The following TMEFF2 variants were observed in gnomAD, a reference collection of about 807,000 sequenced individuals.
The protein encoded by TMEFF2 is transmembrane protein with EGF like and two follistatin like domains 2, also known as tomoregulin-2.
Under a neutral mutation model 53.8 loss-of-function variants are expected in TMEFF2, and 28 were observed. The ratio of observed to expected loss-of-function variants is 0.52; its 90% CI spans 0.39 to 0.71. The LOEUF (loss-of-function observed/expected upper bound fraction) is 0.71, where lower values mean the gene tolerates loss of function less well. Ranked by LOEUF, TMEFF2 falls within the 30% of genes least tolerant of loss-of-function variation. TMEFF2 has a pLI of 0.00. For synonymous variants in TMEFF2, 162 were observed against 166.3 expected, an observed-to-expected ratio of 0.97 and a Z score of 0.20; for missense variants, 353 against 455.2, an observed-to-expected ratio of 0.78 and a Z score of 2.04.
intron 4 of TMEFF2, among the ~76,000 whole-genome samples, chr2:192,068,179 T>C (rs540611737): frequency 3.3e-5 from 5 of 152,038 alleles, no homozygotes; most frequent in South Asian, 4.1e-4. Context: ...TAGGAGGATG[T>C]GTGACTTTGC....
At chr2:191,951,183 A>C (rs890033177) in intron 9 of TMEFF2, among the ~76,000 whole-genome samples, 48 of 152,002 alleles carry the variant, frequency 3.2e-4, no homozygotes, top group Admixed American at 2.3e-3. Context: ...GTGTGTATGT[A>C]TGTGTATATA....
chr2:192,177,295 C>G (rs1198961296), intron 4 of TMEFF2: 1 of 151,128 alleles, frequency 6.6e-6, no homozygotes, highest in East Asian at 1.9e-4. Flanking sequence ...TCAAATATAT[C>G]TTACGATTAC....
intron 5 of TMEFF2, among the ~76,000 whole-genome samples, chr2:192,038,708 A>G (rs2105883006): frequency 6.6e-6 from 1 of 151,760 alleles, no homozygotes; most frequent in East Asian, 1.9e-4. Context: ...CTGGTCTAGA[A>G]CTCCTGGACT....
chr2:192,107,539 GA>G (rs928995438), intron 4 of TMEFF2, among the ~76,000 whole-genome samples: 1 of 151,484 alleles, frequency 6.6e-6, no homozygotes, highest in African/African-American at 2.4e-5. Flanking sequence ...ATAGTATTAG[GA>G]AAAAAATAGC....
intron 4 of TMEFF2, among the ~76,000 whole-genome samples, chr2:192,086,332 T>G (rs1465299007): frequency 6.6e-6 from 1 of 152,168 alleles, no homozygotes; most frequent in African/African-American, 2.4e-5. Flanking sequence ...TAAAGATAAC[T>G]GCAATTATCC....
chr2:192,111,633 A>G (rs1002634298), intron 4 of TMEFF2, among the ~76,000 whole-genome samples: 4 of 152,212 alleles, frequency 2.6e-5, no homozygotes, highest in Admixed American at 2.6e-4. Flanking sequence ...CAGCTGCAGA[A>G]ATTTGCATAA....
In TMEFF2 at chr2:192,102,829, C is replaced by T. The variant is rs141492661; in HGVS notation, c.440-45054G>A. ...CAGGTGATCTGCCCACCTCAACCTC[C>T]GAAAGTATTGGAATTACAGGCGTGA... On this transcript the variant is annotated intron_variant, in intron 4 of 9. Coordinates refer to ENST00000272771, the MANE Select transcript of TMEFF2 (RefSeq NM_016192.4). 4.9e-3 allele frequency among the ~76,000 whole-genome samples: 747 copies of T among 151,818 alleles called. 6 individuals carry two copies. Among genetic ancestry groups the T allele is most frequent in the Middle Eastern group, 0.017 (5 of 294 alleles).
chr2:191,998,950 C>T (rs949838690), intron 6 of TMEFF2, 110 bp downstream of exon 6: 10 of 1,106,280 alleles, frequency 9.0e-6, no homozygotes, highest in Non-Finnish European at 1.3e-5. Context: ...TGTAAATAAG[C>T]ACTGCATTTT....
intron 5 of TMEFF2, among the ~76,000 whole-genome samples, chr2:192,016,283 T>C (rs907135701): frequency 3.9e-5 from 6 of 152,250 alleles, no homozygotes; most frequent in African/African-American, 1.4e-4. Context: ...GTCTAATTAA[T>C]TGGTGAATAC....
chr2:192,041,955 A>T (rs1687493784), intron 5 of TMEFF2, among the ~76,000 whole-genome samples: 1 of 152,112 alleles, frequency 6.6e-6, no homozygotes, highest in Non-Finnish European at 1.5e-5. Context: ...CATGCCTGTA[A>T]TCCCATGGGC....
At chr2:192,135,891 C>T (rs907459830) in intron 4 of TMEFF2, among the ~76,000 whole-genome samples, 1 of 151,848 alleles carries the variant, frequency 6.6e-6, no homozygotes, top group Admixed American at 6.6e-5. Flanking sequence ...AGAAGCTCCC[C>T]CACTGAGCAC....
chr2:192,075,487 G>T (rs1193616352), intron 4 of TMEFF2, among the ~76,000 whole-genome samples: 1 of 150,840 alleles, frequency 6.6e-6, no homozygotes. Context: ...ATTTTCGGTG[G>T]CTAAAAATTT....
chr2:192,008,848 A>T (rs1686562689), intron 5 of TMEFF2, among the ~76,000 whole-genome samples: 1 of 152,164 alleles, frequency 6.6e-6, no homozygotes, highest in Non-Finnish European at 1.5e-5. Flanking sequence ...GCCCTCTGTT[A>T]TGCTTTCACT....
At chr2:191,978,259 G>A (rs1390488253) in intron 7 of TMEFF2, among the ~76,000 whole-genome samples, 1 of 152,126 alleles carries the variant, frequency 6.6e-6, no homozygotes, top group Non-Finnish European at 1.5e-5. Flanking sequence ...ATAATGGAAA[G>A]CGATCGGCCA....
At chr2:192,069,283 T>C (rs1473600992) in intron 4 of TMEFF2, among the ~76,000 whole-genome samples, 1 of 151,780 alleles carries the variant, frequency 6.6e-6, no homozygotes, top group Non-Finnish European at 1.5e-5. Context: ...TCTGTAGTGA[T>C]GCTCCATCTT....
chr2:192,057,592 G>A, intron 5 of TMEFF2, 87 bp downstream of exon 5: 3 of 1,131,284 alleles, frequency 2.7e-6, no homozygotes, highest in African/African-American at 1.5e-5. Context: ...TGCAGACAAT[G>A]TCTTCTGTTG....
At chr2:191,959,828 A>G (rs1692220515) in intron 7 of TMEFF2, among the ~76,000 whole-genome samples, 1 of 152,130 alleles carries the variant, frequency 6.6e-6, no homozygotes, top group Non-Finnish European at 1.5e-5. Flanking sequence ...TTGGCCAAAG[A>G]AGTCCTGAAA....
At chr2:191,958,493 ATTTTAT>A (rs1199397357) in intron 7 of TMEFF2, among the ~76,000 whole-genome samples, 1 of 152,054 alleles carries the variant, frequency 6.6e-6, no homozygotes, top group Non-Finnish European at 1.5e-5. Context: ...TTTTTAGTCT[ATTTTAT>A]TTTTAACACT....
chr2:191,955,157 A>G (rs1213439462), intron 8 of TMEFF2, among the ~76,000 whole-genome samples: 10 of 17,056 alleles, frequency 5.9e-4, no homozygotes, highest in Admixed American at 3.6e-3. Context: ...GGGAGGGAGG[A>G]AGAGTGGGAG....
Sources: allele counts gnomAD v4.1 joint callset (sites outside exome capture counted in the v4.1 genomes callset), GRCh38; gene constraint gnomAD v4.1.1; transcripts MANE v1.5; gene names NCBI Gene and HGNC (gene_info 2026-07-23, HGNC 2026-07-21).